The following METAP1 variants were observed in gnomAD, a reference collection of about 807,000 sequenced individuals.
The protein encoded by METAP1 is methionyl aminopeptidase 1.
Under a neutral mutation model 53.8 loss-of-function variants are expected in METAP1, and 28 were observed. That is an observed-to-expected ratio of 0.52 (90% CI 0.39 to 0.71). METAP1 has a LOEUF of 0.71. METAP1 is among the 30% of genes least tolerant of loss of function. METAP1 has a pLI of 0.00. For synonymous variants in METAP1, 181 were observed against 165.7 expected, an observed-to-expected ratio of 1.09 and a Z score of -0.71; for missense variants, 389 against 479.8, an observed-to-expected ratio of 0.81 and a Z score of 1.77.
chr4:99,021,144 A>C (rs1379511820), intron 1 of METAP1, among the ~76,000 whole-genome samples: 1 of 152,114 alleles, frequency 6.6e-6, no homozygotes, highest in Non-Finnish European at 1.5e-5. Context: ...AGTTCCCTGG[A>C]GATAACTTTC....
At chr4:99,053,092 C>T (rs1255298340) in intron 9 of METAP1, among the ~76,000 whole-genome samples, 1 of 152,226 alleles carries the variant, frequency 6.6e-6, no homozygotes, top group African/African-American at 2.4e-5. Flanking sequence ...CTTTCCACCA[C>T]ATCTGCAGTT....
At chr4:99,036,066 G>A (rs1024235187) in intron 4 of METAP1, 1 of 154,292 alleles carries the variant, frequency 6.5e-6, no homozygotes, top group Admixed American at 6.5e-5. Context: ...GACACCCAGC[G>A]AAGATAGGTA....
At chr4:99,048,296 G>T (rs1430219168) in intron 8 of METAP1, among the ~76,000 whole-genome samples, 1 of 152,122 alleles carries the variant, frequency 6.6e-6, no homozygotes, top group Non-Finnish European at 1.5e-5. Flanking sequence ...GCCTCTCTGT[G>T]CCTCATCTGT....
rs542293072 is a variant in METAP1, at chr4:99,039,072, C to A, written c.341-302C>A. The A allele has an allele frequency of 3.0e-3, 599 of 199,024 alleles. 1 individual carries two copies. Among genetic ancestry groups the A allele is most frequent in the Non-Finnish European group, 4.8e-3 (477 of 99,222 alleles). The allele number at this position is 199,024 out of a possible 1,614,324, so 12.3% of individuals were successfully genotyped here. Reference sequence around the variant, plus strand: ...TCTGTGGTACTTTTCAAATGTATATCATTTACTGAGTCTGATTATCACACG... The same window carrying A: ...TCTGTGGTACTTTTCAAATGTATATAATTTACTGAGTCTGATTATCACACG... On this transcript the variant is annotated intron_variant, in intron 4 of 10. Transcript: ENST00000296411.
At chr4:99,041,002 T>G in intron 5 of METAP1, 41 bp from the exon 6 acceptor site, 1 of 1,431,250 alleles carries the variant, frequency 7.0e-7, no homozygotes, top group Non-Finnish European at 9.7e-7. Flanking sequence ...GATTTCTGTT[T>G]CTGTGTCTTT....
At chr4:99,004,569 TA>T (rs1723091489) in intron 1 of METAP1, among the ~76,000 whole-genome samples, 2 of 151,936 alleles carry the variant, frequency 1.3e-5, no homozygotes, top group Admixed American at 1.3e-4. Context: ...AGTAAATGCC[TA>T]TATACCTACC....
At chr4:99,044,734 G>A (rs1256159394) in intron 7 of METAP1, among the ~76,000 whole-genome samples, 1 of 152,098 alleles carries the variant, frequency 6.6e-6, no homozygotes, top group Admixed American at 6.6e-5. Context: ...AAGCAAATGA[G>A]TTTTAAAAAA....
chr4:98,999,275 A>C (rs1029698702), intron 1 of METAP1, among the ~76,000 whole-genome samples: 4 of 152,060 alleles, frequency 2.6e-5, no homozygotes, highest in African/African-American at 9.7e-5. Context: ...CTGTGTTTGA[A>C]TCACAGCTCC....
intron 10 of METAP1, among the ~76,000 whole-genome samples, chr4:99,060,148 A>G (rs1255719220): frequency 3.9e-5 from 6 of 152,108 alleles, no homozygotes; most frequent in African/African-American, 1.2e-4. Context: ...GTACAGTTCA[A>G]TATTATTAAA....
chr4:99,004,657 A>AGAGGTAT (rs1276623236), intron 1 of METAP1, among the ~76,000 whole-genome samples: 1 of 152,182 alleles, frequency 6.6e-6, no homozygotes, highest in East Asian at 1.9e-4. Context: ...CCCTCATCCA[A>AGAGGTAT]GAGGTATTCC....
intron 1 of METAP1, among the ~76,000 whole-genome samples, chr4:99,019,449 A>G (rs1723960016): frequency 2.6e-5 from 4 of 152,086 alleles, no homozygotes; most frequent in South Asian, 4.1e-4. Flanking sequence ...CCACATTTAT[A>G]ATACCTATCT....
intron 7 of METAP1, 31 bp downstream of exon 7, chr4:99,043,418 G>A (rs1174422082): frequency 1.3e-6 from 2 of 1,557,208 alleles, no homozygotes; most frequent in Non-Finnish European, 1.7e-6. Context: ...TCATCACCAT[G>A]GGCAAAGAAA....
At chr4:99,022,739 G>A in intron 1 of METAP1, 1 of 1,591,724 alleles carries the variant, frequency 6.3e-7, no homozygotes, top group African/African-American at 1.3e-5. Flanking sequence ...GCACCTGTGG[G>A]TACCCATAGG....
intron 1 of METAP1, among the ~76,000 whole-genome samples, chr4:99,024,080 T>A (rs1321849663): frequency 6.6e-6 from 1 of 152,174 alleles, no homozygotes; most frequent in Non-Finnish European, 1.5e-5. Context: ...GGCCTGGTAG[T>A]TAAAGATCAA....
intron 1 of METAP1, among the ~76,000 whole-genome samples, chr4:99,010,821 G>C (rs932669689): frequency 9.2e-5 from 14 of 152,056 alleles, no homozygotes; most frequent in Non-Finnish European, 1.6e-4. Context: ...CTCTATTTGT[G>C]TTGCCTTTAC....
intron 7 of METAP1, among the ~76,000 whole-genome samples, chr4:99,043,916 G>A (rs950173270): frequency 2.6e-5 from 4 of 151,982 alleles, no homozygotes; most frequent in Admixed American, 2.6e-4. Context: ...TTCCTAGATG[G>A]CATTTGTTTT....
intron 1 of METAP1, among the ~76,000 whole-genome samples, chr4:99,021,533 G>A (rs531697563): frequency 2.7e-4 from 41 of 152,160 alleles, no homozygotes; most frequent in African/African-American, 9.6e-4. Context: ...ATTTGATGTT[G>A]TAAAGAAATC....
intron 1 of METAP1, among the ~76,000 whole-genome samples, chr4:99,025,085 G>T (rs916423099): frequency 1.3e-5 from 2 of 152,214 alleles, no homozygotes; most frequent in South Asian, 2.1e-4. Flanking sequence ...CCGGTAATGC[G>T]GTAATAATGC....
chr4:99,042,702 A>T (rs1250986482), intron 6 of METAP1, among the ~76,000 whole-genome samples: 1 of 152,066 alleles, frequency 6.6e-6, no homozygotes, highest in African/African-American at 2.4e-5. Context: ...TTTTACTTTA[A>T]CATTTTTCAT....
Sources: gnomAD v4.1 joint callset for allele counts (sites outside exome capture counted in the v4.1 genomes callset) on GRCh38, gnomAD v4.1.1 for gene constraint, MANE v1.5 for transcripts, NCBI Gene and HGNC (gene_info 2026-07-23, HGNC 2026-07-21) for gene names.